MAPRE2: variants seen among roughly 807,000 people sequenced by gnomAD.
MAPRE2 encodes the protein microtubule associated protein RP/EB family member 2.
MAPRE2 carries 13 observed loss-of-function variants against 43.2 expected under a neutral mutation model. The observed-to-expected ratio is 0.30, with a 90% CI of 0.20 to 0.48. The LOEUF is 0.48. Among genes scored for constraint, MAPRE2 ranks in the 20% least tolerant of loss-of-function variants. The pLI is 0.99. For missense variants in MAPRE2, 161 were observed against 400.2 expected, an observed-to-expected ratio of 0.40 and a Z score of 5.10; for synonymous variants, 135 against 148.8, an observed-to-expected ratio of 0.91 and a Z score of 0.68.
intron 4 of MAPRE2, among the ~76,000 whole-genome samples, chr18:35,111,688 T>C (rs977510675): frequency 2.0e-5 from 3 of 152,234 alleles, no homozygotes; most frequent in African/African-American, 7.2e-5. Context: ...TGTGCCTTTA[T>C]GCAAGACTTC....
Position 35,140,471 on chromosome 18 carries a change from C to A in MAPRE2, c.*102C>A. On this transcript the variant is annotated 3_prime_UTR_variant, in exon 7 of 7. Coordinates refer to ENST00000300249, the MANE Select transcript of MAPRE2 (RefSeq NM_014268.4). ...AAGCTCAACAGAAACCAGTTGTTCCCAATCTGCCGTTACCATCAACGCACT... is the reference window on the plus strand; with the variant it reads ...AAGCTCAACAGAAACCAGTTGTTCCAAATCTGCCGTTACCATCAACGCACT... 2.6e-6 allele frequency: 3 copies of A among 1,138,342 alleles called. No individual in the cohort carries two copies. Among genetic ancestry groups the A allele is most frequent in the Non-Finnish European group, 3.8e-6 (3 of 792,036 alleles). 70.5% of individuals were successfully genotyped at this position (1,138,342 alleles called of 1,614,324 possible). A position where few individuals can be genotyped will look rare whatever the true frequency, so the allele number is the denominator to read the frequency against.
At chr18:35,129,893 A>T (rs925892694) in intron 5 of MAPRE2, among the ~76,000 whole-genome samples, 3 of 152,300 alleles carry the variant, frequency 2.0e-5, no homozygotes, top group Admixed American at 6.5e-5. Context: ...GGTCTTTGTG[A>T]GGGGGACTAT....
At chr18:34,992,368 A>G (rs2097024256) in intron 1 of MAPRE2, among the ~76,000 whole-genome samples, 1 of 152,336 alleles carries the variant, frequency 6.6e-6, no homozygotes, top group South Asian at 2.1e-4. Flanking sequence ...AGTTGAGCAC[A>G]TCATTCTTAT....
intron 1 of MAPRE2, among the ~76,000 whole-genome samples, chr18:34,982,111 C>T (rs929395011): frequency 1.3e-5 from 2 of 151,994 alleles, no homozygotes; most frequent in African/African-American, 4.8e-5. Flanking sequence ...TCTCGATCTC[C>T]TGACCTCGTA....
intron 1 of MAPRE2, among the ~76,000 whole-genome samples, chr18:35,045,820 A>G (rs932807338): frequency 6.6e-6 from 1 of 152,362 alleles, no homozygotes. Context: ...AGGTTTTCCA[A>G]AAATAAAGAT....
At chr18:35,103,311 G>C (rs925195120) in intron 4 of MAPRE2, among the ~76,000 whole-genome samples, 5 of 152,170 alleles carry the variant, frequency 3.3e-5, no homozygotes, top group Admixed American at 2.0e-4. Context: ...AGGCAAAATA[G>C]ACTGGATGTT....
intron 2 of MAPRE2, among the ~76,000 whole-genome samples, chr18:35,072,398 G>A (rs1418649166): frequency 6.6e-6 from 1 of 152,138 alleles, no homozygotes; most frequent in Non-Finnish European, 1.5e-5. Flanking sequence ...TGTGCATTTG[G>A]ATAAGGGAAA....
chr18:35,027,920 C>A (rs1304543161), intron 2 of MAPRE2, among the ~76,000 whole-genome samples: 3 of 152,120 alleles, frequency 2.0e-5, no homozygotes, highest in South Asian at 2.1e-4. Flanking sequence ...CTCTTCCCCT[C>A]CCTCTCCATG....
At chr18:35,063,343 G>A (rs149263610) in intron 1 of MAPRE2, among the ~76,000 whole-genome samples, 8,652 of 152,030 alleles carry the variant, frequency 0.057, 348 homozygotes, top group South Asian at 0.12. Context: ...TCCTGACCTC[G>A]TGATCCGCCC....
chr18:35,025,285 T>G (rs655326), intron 2 of MAPRE2, among the ~76,000 whole-genome samples: 102,131 of 151,628 alleles, frequency 0.67, 35,701 homozygotes, highest in East Asian at 0.98. Context: ...CTGTTCAGCC[T>G]GTTGTGTCCA....
At chr18:35,058,261 T>G (rs189385078) in intron 1 of MAPRE2, among the ~76,000 whole-genome samples, 7 of 152,334 alleles carry the variant, frequency 4.6e-5, no homozygotes, top group African/African-American at 1.7e-4. Context: ...CCTTGTCCTG[T>G]TAATAAGCTT....
chr18:35,054,630 T>C (rs144026565), intron 1 of MAPRE2, among the ~76,000 whole-genome samples: 94 of 152,318 alleles, frequency 6.2e-4, no homozygotes, highest in Non-Finnish European at 8.2e-4. Context: ...CAAATACTAA[T>C]AGACAGGACA....
At chr18:35,005,243 T>G (rs2097031299) in intron 1 of MAPRE2, among the ~76,000 whole-genome samples, 1 of 152,206 alleles carries the variant, frequency 6.6e-6, no homozygotes, top group East Asian at 1.9e-4. Context: ...TACTAAATTT[T>G]TATCAACTAT....
At chr18:34,987,669 G>A (rs984059317) in intron 1 of MAPRE2, among the ~76,000 whole-genome samples, 5 of 151,982 alleles carry the variant, frequency 3.3e-5, no homozygotes, top group African/African-American at 1.2e-4. Context: ...TTGAGACAGG[G>A]TCTCTCTCTG....
chr18:35,057,507 C>CGTGTGTGTGTGTGTGTGTGTGTGTGTGT (rs58171272), intron 1 of MAPRE2, among the ~76,000 whole-genome samples: 5 of 149,518 alleles, frequency 3.3e-5, no homozygotes, highest in East Asian at 4.0e-4. Flanking sequence ...GGAGTGTGTG[C>CGTGTGTGTGTGTGTGTGTGTGTGTGTGT]GTGTGTGTGT....
chr18:34,999,641 C>T (rs2097028332), intron 1 of MAPRE2, among the ~76,000 whole-genome samples: 1 of 152,164 alleles, frequency 6.6e-6, no homozygotes, highest in Admixed American at 6.5e-5. Flanking sequence ...CACCCAAATC[C>T]ATTTAGCAGT....
chr18:35,065,513 G>T (rs944894936), intron 1 of MAPRE2, among the ~76,000 whole-genome samples: 3 of 151,954 alleles, frequency 2.0e-5, no homozygotes, highest in African/African-American at 7.3e-5. Flanking sequence ...TCTCCTGCTT[G>T]TTGTGCTGTT....
intron 1 of MAPRE2, among the ~76,000 whole-genome samples, chr18:34,981,984 A>G (rs2097016637): frequency 6.9e-6 from 1 of 144,754 alleles, no homozygotes; most frequent in African/African-American, 2.6e-5. Flanking sequence ...TCCCAGGTTC[A>G]CTCTATTCTC....
At chr18:35,059,968 C>G (rs1270764726) in intron 1 of MAPRE2, among the ~76,000 whole-genome samples, 1 of 152,144 alleles carries the variant, frequency 6.6e-6, no homozygotes, top group Non-Finnish European at 1.5e-5. Context: ...ACCACTCCTA[C>G]AAAATGTGTG....
Sources: allele counts gnomAD v4.1 joint callset (sites outside exome capture counted in the v4.1 genomes callset), GRCh38; gene constraint gnomAD v4.1.1; transcripts MANE v1.5; gene names NCBI Gene and HGNC (gene_info 2026-07-23, HGNC 2026-07-21).